F5: variants seen among roughly 807,000 people sequenced by gnomAD.
F5 encodes coagulation factor V, also known as activated protein c cofactor.
In F5, 138 loss-of-function variants were observed where a neutral mutation model predicts 216.4. The observed-to-expected ratio is 0.64, with a 90% CI of 0.56 to 0.73. The LOEUF is 0.73. Ranked by LOEUF, F5 falls within the 30% of genes least tolerant of loss-of-function variation. The pLI is 0.00. For missense variants in F5, 2,403 were observed against 2,674.0 expected, an observed-to-expected ratio of 0.90 and a Z score of 2.24; for synonymous variants, 916 against 930.7, an observed-to-expected ratio of 0.98 and a Z score of 0.29.
chr1:169,559,608 G>T (rs1335508172), intron 4 of F5, among the ~76,000 whole-genome samples: 1 of 152,054 alleles, frequency 6.6e-6, no homozygotes, highest in Non-Finnish European at 1.5e-5. Flanking sequence ...CTCAATAGAA[G>T]AGTATATAGA....
rs763580174 is a variant in F5, at chr1:169,542,196, T to C, written c.2894A>G (p.Asp965Gly). ...SYEIIQDTDE[D>G]TAVNNWLISP... ...GATCAGCCAATTGTTAACAGCTGTG[T>C]CTTCATCAGTATCTTGGATTATTTC... The change falls in exon 13 of 25, where the codon GAC becomes GGC. Residue 965 changes from aspartate (D) to glycine (G), a missense_variant. Physicochemically the swap from Asp to Gly is moderately conservative, Grantham distance 94. Transcript: ENST00000367797. 5.6e-6 allele frequency: 9 copies of C among 1,613,992 alleles called. No individual in the cohort carries two copies. Among genetic ancestry groups the C allele is most frequent in the Non-Finnish European group, 7.6e-6 (9 of 1,179,990 alleles).
chr1:169,542,312 G>T lies in F5; in HGVS notation c.2778C>A (p.Asp926Glu). 1 of 1,599,278 alleles carries T rather than the reference G, an allele frequency of 6.3e-7. No homozygotes were observed. The highest frequency in any genetic ancestry group is 8.6e-7 in the Non-Finnish European group (1 of 1,168,208). ...TTAAGAGTAACAGATCACTAGGAGG[G>T]TCCTTCCAGGGCCTCATTCTGGAAG... ...GSPSRMRPWK[D>E]PPSDLLLLKQ... Residue 926 changes from aspartate (D) to glutamate (E), a missense_variant, in exon 13 of 25, where the codon GAC becomes GAA. By Grantham distance (45) the Asp-to-Glu change is conservative. Coordinates refer to ENST00000367797, the MANE Select transcript of F5 (RefSeq NM_000130.5).
At position 169,560,684 on chromosome 1, in the gene F5, C is replaced by A; in HGVS notation, c.456G>T (p.Trp152Cys). Reference sequence around the variant, plus strand: ...TGGGTCCACTGTCCTCACTGATACTCCATTCATAGGTGTATTCTCGGCCTG... The same window carrying A: ...TGGGTCCACTGTCCTCACTGATACTACATTCATAGGTGTATTCTCGGCCTG... ...VAPGREYTYEWSISEDSGPTH... is the reference protein window; with the variant it reads ...VAPGREYTYECSISEDSGPTH... Residue 152 changes from tryptophan (W) to cysteine (C), a missense_variant, in exon 4 of 25, where the codon TGG becomes TGT. Physicochemically the swap from Trp to Cys is radical, Grantham distance 215 (BLOSUM62 -2). Around this residue, in one of 4 missense-constraint regions of F5, gnomAD observed 1,425 missense variants for 1,554.8 expected, o/e 0.92. Coordinates refer to ENST00000367797, the MANE Select transcript of F5 (RefSeq NM_000130.5). 1 of 1,613,736 alleles carries A rather than the reference C, an allele frequency of 6.2e-7. No individual in the cohort carries two copies.
At chr1:169,581,985 G>T (rs1190519126) in intron 2 of F5, among the ~76,000 whole-genome samples, 2 of 152,264 alleles carry the variant, frequency 1.3e-5, no homozygotes, top group East Asian at 3.9e-4. Context: ...CATGAACCCA[G>T]GATATGAGAC....
At chr1:169,544,586 G>A in intron 11 of F5, 78 bp from the exon 12 acceptor site, 1 of 1,185,596 alleles carries the variant, frequency 8.4e-7, no homozygotes, top group Non-Finnish European at 1.2e-6. Context: ...TAAGATAAAT[G>A]TCTCCATGTT....
At chr1:169,585,444 T>C (rs946170472) in intron 1 of F5, among the ~76,000 whole-genome samples, 2 of 152,204 alleles carry the variant, frequency 1.3e-5, no homozygotes, top group African/African-American at 4.8e-5. Flanking sequence ...TAACTGGAAA[T>C]ATTGAATAGA....
chr1:169,573,482 T>C (rs1263941545), intron 2 of F5, among the ~76,000 whole-genome samples: 1 of 152,144 alleles, frequency 6.6e-6, no homozygotes, highest in Non-Finnish European at 1.5e-5. Flanking sequence ...GGTTGGAGTC[T>C]GGACATTTTT....
intron 10 of F5, among the ~76,000 whole-genome samples, chr1:169,546,966 TA>T (rs11363133): frequency 0.34 from 44,386 of 129,722 alleles, 8,015 homozygotes; most frequent in Non-Finnish European, 0.42. Flanking sequence ...CCGTCTCTAC[TA>T]AAAAAAAAAA....
At chr1:169,584,874 G>A (rs1661068814) in intron 1 of F5, among the ~76,000 whole-genome samples, 1 of 152,206 alleles carries the variant, frequency 6.6e-6, no homozygotes, top group East Asian at 1.9e-4. Context: ...AGGATGAGGG[G>A]ACAGAATGAC....
chr1:169,579,745 T>C (rs1451674396), intron 2 of F5, among the ~76,000 whole-genome samples: 2 of 152,220 alleles, frequency 1.3e-5, no homozygotes, highest in African/African-American at 4.8e-5. Context: ...CTAAATATCT[T>C]TGGACTCCAT....
Position 169,547,905 on chromosome 1 carries a change from G to A in F5, c.1612-1313C>T, listed in dbSNP as rs184632681. On this transcript the variant is annotated intron_variant, in intron 10 of 24. Coordinates refer to ENST00000367797, the MANE Select transcript of F5 (RefSeq NM_000130.5). Reference sequence around the variant, plus strand: ...CACATGCATGCGTATGTTCATTTTCGCACTCTTCACAATAGCAAAGACATG... The same window carrying A: ...CACATGCATGCGTATGTTCATTTTCACACTCTTCACAATAGCAAAGACATG... Among the ~76,000 whole-genome samples the A allele has an allele frequency of 1.4e-4, 22 of 152,088 alleles. No individual in the cohort carries two copies. The East Asian group carries it at 1.5e-3, about 11-fold the overall frequency.
At position 169,543,011 on chromosome 1, in the gene F5, A is replaced by G; in HGVS notation, c.2079T>C (p.Tyr693=). ...KCIPDDDEDS[Y]EIFEPPESTV... The stretch of plus-strand genomic sequence containing the variant: ...TAGATTCTGGAGGTTCAAAAATCTC[A>G]TATGAGTCTTCATCATCATCTGGGA... The change falls in exon 13 of 25, where the codon TAT becomes TAC. Residue 693 remains tyrosine, a synonymous_variant. Coordinates refer to ENST00000367797, the MANE Select transcript of F5 (RefSeq NM_000130.5). 2 of 1,612,974 alleles carry G rather than the reference A, an allele frequency of 1.2e-6. No individual in the cohort carries two copies. Among genetic ancestry groups the G allele is most frequent in the Non-Finnish European group, 1.7e-6 (2 of 1,178,910 alleles).
In F5 at chr1:169,546,475, C is replaced by T; in HGVS notation, c.1729G>A (p.Asp577Asn). The stretch of plus-strand genomic sequence containing the variant: ...ATGTTTGATTCATAAAACTTGGGGT[C>T]ATCACGTTTCACCTCATCAGGATTT... ...CENPDEVKRD[D>N]PKFYESNIMS... is the part of the protein sequence containing the mutation. The change falls in exon 11 of 25, where the codon GAC becomes AAC. Residue 577 changes from aspartate (D) to asparagine (N), a missense_variant. Asp to Asn is a conservative substitution (Grantham distance 23). This residue lies in a region of F5 where 1,425 missense variants were observed against 1,554.8 expected (regional missense o/e 0.92). Transcript: ENST00000367797. 6.2e-7 allele frequency: 1 copy of T among 1,614,180 alleles called. No individual in the cohort carries two copies. The highest frequency in any genetic ancestry group is 8.5e-7 in the Non-Finnish European group (1 of 1,180,020).
chr1:169,522,432 G>T (rs1373754737), intron 21 of F5, among the ~76,000 whole-genome samples: 2 of 152,016 alleles, frequency 1.3e-5, no homozygotes, highest in East Asian at 3.9e-4. Flanking sequence ...TTATGCTATG[G>T]ACTCAACTGC....
At chr1:169,559,779 T>C (rs570160187) in intron 4 of F5, among the ~76,000 whole-genome samples, 8 of 152,316 alleles carry the variant, frequency 5.3e-5, no homozygotes, top group Admixed American at 1.3e-4. Flanking sequence ...AAGAAGAGTC[T>C]TTTGTAAGTT....
intron 14 of F5, among the ~76,000 whole-genome samples, chr1:169,535,372 A>C (rs909732578): frequency 2.6e-5 from 4 of 152,068 alleles, no homozygotes; most frequent in Non-Finnish European, 5.9e-5. Context: ...TTCGTGCATT[A>C]ATTTTGATTT....
intron 14 of F5, 79 bp downstream of exon 14, chr1:169,536,427 C>A: frequency 8.2e-7 from 1 of 1,215,982 alleles, no homozygotes; most frequent in Non-Finnish European, 1.2e-6. Context: ...CTATAGCTCT[C>A]TTGCCACCTG....
chr1:169,523,893 G>A lies in F5; in HGVS notation c.5800C>T (p.Pro1934Ser), dbSNP rs766428271. Residue 1934 changes from proline (P) to serine (S), a missense_variant, in exon 20 of 25, where the codon CCC (proline) becomes TCC (serine). Pro to Ser is a moderately conservative substitution (Grantham distance 74). Transcript: ENST00000367797. ...KASEFLGYWEPRLARLNNGGS... is the reference protein window; with the variant it reads ...KASEFLGYWESRLARLNNGGS... Reference sequence around the variant, plus strand: ...CCATTGTTTAATCTTGCTAATCTGGGCTCCCAGTAACCTAAACTCAAGGGA... The same window carrying A: ...CCATTGTTTAATCTTGCTAATCTGGACTCCCAGTAACCTAAACTCAAGGGA... 10 of 1,613,078 alleles carry A rather than the reference G, an allele frequency of 6.2e-6. No homozygotes were observed. The highest frequency in any genetic ancestry group is 4.0e-5 in the African/African-American group (3 of 74,978).
intron 21 of F5, among the ~76,000 whole-genome samples, chr1:169,521,614 GATTT>G (rs1571559543): frequency 1.0e-5 from 1 of 95,402 alleles, no homozygotes. Context: ...TCTGTGAAAA[GATTT>G]TTTTTTTTTT....
Sources: gnomAD v4.1 joint callset for allele counts (sites outside exome capture counted in the v4.1 genomes callset) on GRCh38, gnomAD v4.1.1 for gene constraint, gnomAD v4.1.1 regional missense constraint, MANE v1.5 for transcripts, NCBI Gene and HGNC (gene_info 2026-07-23, HGNC 2026-07-21) for gene names.